Variants in PPP1R9A observed in about 807,000 individuals in gnomAD.
PPP1R9A encodes neurabin-1.
A neutral mutation model predicts 141.9 loss-of-function variants in PPP1R9A; 59 were observed. That is an observed-to-expected ratio of 0.42 (90% CI 0.34 to 0.52). The LOEUF (loss-of-function observed/expected upper bound fraction) is 0.52. Among genes scored for constraint, PPP1R9A ranks in the 20% least tolerant of loss-of-function variants. The probability of loss-of-function intolerance (pLI) is 0.10; values close to 1 mark genes in which losing one functional copy is unlikely to be tolerated. For missense variants in PPP1R9A, 1,444 were observed against 1,611.9 expected (o/e 0.90, Z 1.78); for synonymous variants, 500 against 569.7 (o/e 0.88, Z 1.74).
Position 95,120,736 on chromosome 7 carries a change from T to G in PPP1R9A, c.1553T>G (p.Ile518Ser). The G allele has an allele frequency of 6.2e-7, 1 of 1,614,012 alleles. No homozygotes were observed. The highest frequency in any genetic ancestry group is 1.1e-5 in the South Asian group (1 of 91,066). ...GATGAGGATGGTCTTGGTATAAGTA[T>G]TATTGGAATGGGTGTTGGAGCAGAT... ...EKDEDGLGIS[I>S]IGMGVGADAG... Residue 518 changes from isoleucine (I) to serine (S), a missense_variant, in exon 4 of 20, where the codon ATT becomes AGT. Physicochemically the swap from Ile to Ser is moderately radical, Grantham distance 142 (BLOSUM62 -2). Transcript: ENST00000433360.
At chr7:95,209,314 G>A (rs1184919411) in intron 7 of PPP1R9A, among the ~76,000 whole-genome samples, 1 of 152,132 alleles carries the variant, frequency 6.6e-6, no homozygotes, top group Non-Finnish European at 1.5e-5. Flanking sequence ...TCTTCAACTT[G>A]CTTCAGTATG....
At chr7:95,031,352 GA>G (rs1414928647) in intron 2 of PPP1R9A, among the ~76,000 whole-genome samples, 2 of 152,092 alleles carry the variant, frequency 1.3e-5, no homozygotes, top group African/African-American at 4.8e-5. Context: ...TAAGTTCTGG[GA>G]AAATTATTTA....
chr7:95,210,760 A>G (rs987255136), intron 7 of PPP1R9A, among the ~76,000 whole-genome samples: 7 of 152,210 alleles, frequency 4.6e-5, no homozygotes, highest in African/African-American at 1.7e-4. Flanking sequence ...ATGCCCACCA[A>G]TGATAGACTG....
intron 2 of PPP1R9A, among the ~76,000 whole-genome samples, chr7:94,962,943 A>G (rs916594744): frequency 4.6e-5 from 7 of 152,046 alleles, no homozygotes; most frequent in Non-Finnish European, 8.8e-5. Flanking sequence ...CCTTTCCTGG[A>G]TTTGCTTCCT....
chr7:94,982,112 A>G (rs966545985), intron 2 of PPP1R9A, among the ~76,000 whole-genome samples: 1 of 152,066 alleles, frequency 6.6e-6, no homozygotes, highest in Non-Finnish European at 1.5e-5. Context: ...GCTCAGAATG[A>G]TGGTTTCCAG....
chr7:95,052,552 A>C (rs1810967805), intron 2 of PPP1R9A, among the ~76,000 whole-genome samples: 1 of 152,214 alleles, frequency 6.6e-6, no homozygotes, highest in African/African-American at 2.4e-5. Context: ...AGTGAGTTTC[A>C]TGACAGATGT....
chr7:95,190,719 T>C (rs114397851), intron 5 of PPP1R9A, among the ~76,000 whole-genome samples: 190 of 152,316 alleles, frequency 1.2e-3, no homozygotes, highest in African/African-American at 4.2e-3. Flanking sequence ...GAACTTGCAG[T>C]GGCTTGCCAC....
rs565787628 is a variant in PPP1R9A at position 95,248,431 on chromosome 7, C to G, written c.2166+905C>G. Among the ~76,000 whole-genome samples the G allele has an allele frequency of 2.6e-5, 4 of 152,022 alleles. No homozygotes were observed. In the East Asian group the frequency reaches 7.8e-4, roughly 30 times the overall value. On this transcript the variant is annotated intron_variant, in intron 9 of 19. Coordinates refer to ENST00000433360, the MANE Select transcript of PPP1R9A (RefSeq NM_001166160.2). ...CTAATTCACTCTGCAGCTCTTTAGTCAAAATACGACTATACATCATTCACG... is the reference window on the plus strand; with the variant it reads ...CTAATTCACTCTGCAGCTCTTTAGTGAAAATACGACTATACATCATTCACG...
intron 5 of PPP1R9A, among the ~76,000 whole-genome samples, chr7:95,168,610 G>A (rs1831634668): frequency 6.6e-6 from 1 of 151,820 alleles, no homozygotes; most frequent in Non-Finnish European, 1.5e-5. Flanking sequence ...ACAGCCTGTT[G>A]AATGGGAGAA....
rs193163402 is a variant in PPP1R9A at position 95,091,697 on chromosome 7, G to T, written c.1396-19562G>T. On this transcript the variant is annotated intron_variant, in intron 2 of 19. Coordinates refer to ENST00000433360, the MANE Select transcript of PPP1R9A (RefSeq NM_001166160.2). ...ATGTAATTTAATTTGCATTTCTTTA[G>T]TTACTAGTAAGTTTGAATCTCTACC... is the stretch of plus-strand genomic sequence containing the variant. 1.5e-3 allele frequency among the ~76,000 whole-genome samples: 222 copies of T among 151,894 alleles called. 4 individuals are homozygous for T. Among genetic ancestry groups the T allele is most frequent in the African/African-American group, 4.8e-3 (197 of 41,296 alleles).
intron 4 of PPP1R9A, among the ~76,000 whole-genome samples, chr7:95,129,777 T>G (rs753397982): frequency 6.6e-5 from 10 of 152,122 alleles, no homozygotes; most frequent in Non-Finnish European, 1.3e-4. Context: ...CAAAGGTGAT[T>G]CTTGTTATGT....
intron 2 of PPP1R9A, among the ~76,000 whole-genome samples, chr7:95,013,198 C>CTGA (rs892850540): frequency 6.6e-6 from 1 of 152,060 alleles, no homozygotes; most frequent in African/African-American, 2.4e-5. Flanking sequence ...AATTAACCAA[C>CTGA]TGATGGTTTT....
intron 2 of PPP1R9A, among the ~76,000 whole-genome samples, chr7:95,072,769 T>C: frequency 9.5e-6 from 1 of 105,650 alleles, no homozygotes; most frequent in African/African-American, 3.9e-5. Flanking sequence ...TAAATATATA[T>C]ATTAAATATA....
chr7:95,015,894 T>TA (rs886094035), intron 2 of PPP1R9A, among the ~76,000 whole-genome samples: 4 of 151,464 alleles, frequency 2.6e-5, no homozygotes, highest in African/African-American at 4.9e-5. Flanking sequence ...CTACAAAAAA[T>TA]AAAAAAAATT....
At chr7:94,980,236 C>T (rs116979959) in intron 2 of PPP1R9A, among the ~76,000 whole-genome samples, 3,599 of 150,502 alleles carry the variant, frequency 0.024, 61 homozygotes, top group Admixed American at 0.035. Context: ...AGAAAGTTTA[C>T]GAATTTGTGT....
chr7:94,907,944 C>T (rs1184541830), intron 1 of PPP1R9A: 4 of 147,816 alleles, frequency 2.7e-5, no homozygotes, highest in African/African-American at 4.9e-5. Flanking sequence ...CAGGGAGCGC[C>T]TGGGGGCCGA....
At chr7:95,139,385 C>T (rs974530729) in intron 4 of PPP1R9A, among the ~76,000 whole-genome samples, 4 of 152,138 alleles carry the variant, frequency 2.6e-5, no homozygotes, top group African/African-American at 7.2e-5. Context: ...CGGGTCCCTC[C>T]CACAACATGT....
intron 5 of PPP1R9A, among the ~76,000 whole-genome samples, chr7:95,162,344 G>T (rs1378510253): frequency 6.6e-6 from 1 of 152,034 alleles, no homozygotes; most frequent in Non-Finnish European, 1.5e-5. Context: ...AATTTTCTGT[G>T]TTTTTTAGAC....
chr7:95,249,922 T>C (rs1355093982), intron 9 of PPP1R9A, 104 bp from the exon 10 acceptor site: 3 of 1,405,660 alleles, frequency 2.1e-6, no homozygotes, highest in East Asian at 5.1e-5. Context: ...GATTCAGTGA[T>C]TGTTTATGAT....
Sources: gnomAD v4.1 joint callset for allele counts (sites outside exome capture counted in the v4.1 genomes callset) on GRCh38, gnomAD v4.1.1 for gene constraint, MANE v1.5 for transcripts, NCBI Gene and HGNC (gene_info 2026-07-23, HGNC 2026-07-21) for gene names.